Variants in AP3D1 observed in about 807,000 individuals in gnomAD.
The protein encoded by AP3D1 is AP-3 complex subunit delta-1.
A neutral mutation model predicts 147.6 loss-of-function variants in AP3D1; 51 were observed. That is an observed-to-expected ratio of 0.35 (90% CI 0.28 to 0.44). The LOEUF (loss-of-function observed/expected upper bound fraction) is 0.44, where lower values mean the gene tolerates loss of function less well. AP3D1 is among the 20% of genes least tolerant of loss of function. AP3D1 has a pLI of 1.00. For missense variants in AP3D1, 1,421 were observed against 1,624.2 expected (o/e 0.87, Z 2.15); for synonymous variants, 760 against 663.0 (o/e 1.15, Z -2.25).
At chr19:2,147,769 CTGT>C (rs1174709040) in intron 1 of AP3D1, among the ~76,000 whole-genome samples, 1 of 150,874 alleles carries the variant, frequency 6.6e-6, no homozygotes, top group African/African-American at 2.4e-5. Flanking sequence ...TGGCACTCGC[CTGT>C]TGTCCCAGCT....
chr19:2,123,250 A>G, intron 11 of AP3D1, 108 bp downstream of exon 11: 1 of 1,142,950 alleles, frequency 8.7e-7, no homozygotes, highest in South Asian at 1.4e-5. Flanking sequence ...TCAGGGAGAC[A>G]GCTGGGGTTG....
chr19:2,157,811 T>C (rs558038352), intron 1 of AP3D1, among the ~76,000 whole-genome samples: 15 of 152,242 alleles, frequency 9.9e-5, no homozygotes, highest in Non-Finnish European at 1.6e-4. Context: ...AACAAAGCTG[T>C]AGGCAGCAGC....
chr19:2,116,696 T>C lies in AP3D1; in HGVS notation c.1910A>G (p.Glu637Gly), dbSNP rs775678115. ...INEPLSDSES[E>G]DERPRAVFHE... ...GAAGACGGCCCTGGGCCTCTCGTCC[T>C]CTGACTCGCTGTCCGAGAGTGGCTC... The change falls in exon 17 of 32, where the codon GAG becomes GGG. Residue 637 changes from glutamate (E) to glycine (G), a missense_variant. This residue lies in a region of AP3D1 where 791 missense variants were observed against 761.4 expected (regional missense o/e 1.04). Transcript: ENST00000643116. 18 of 1,611,230 alleles carry C rather than the reference T, an allele frequency of 1.1e-5. No individual in the cohort carries two copies. In the East Asian group the frequency reaches 3.6e-4, roughly 32 times the overall value.
At chr19:2,104,066 C>G (rs1051332325) in intron 31 of AP3D1, among the ~76,000 whole-genome samples, 9 of 151,800 alleles carry the variant, frequency 5.9e-5, no homozygotes, top group Non-Finnish European at 1.2e-4. Flanking sequence ...GAGCAGACAC[C>G]AACACCAAGA....
At chr19:2,113,548 C>T (rs1945670439) in intron 22 of AP3D1, 135 bp from the exon 23 acceptor site, 1 of 505,992 alleles carries the variant, frequency 2.0e-6, no homozygotes, top group Non-Finnish European at 3.5e-6. Context: ...CCTTGCAGAG[C>T]CTGGGAATCC....
At chr19:2,111,619 A>G (rs1278087208) in intron 25 of AP3D1, 60 bp downstream of exon 25, 3 of 1,515,314 alleles carry the variant, frequency 2.0e-6, no homozygotes, top group African/African-American at 1.4e-5. Context: ...AGGAGTGGGG[A>G]GCAGCGCACA....
intron 31 of AP3D1, among the ~76,000 whole-genome samples, chr19:2,103,563 G>A (rs949816393): frequency 4.6e-5 from 7 of 152,214 alleles, no homozygotes; most frequent in Non-Finnish European, 1.0e-4. Flanking sequence ...TGCGGATCCC[G>A]TTCCAAAGAG....
intron 11 of AP3D1, among the ~76,000 whole-genome samples, chr19:2,122,201 G>C (rs1352852477): frequency 7.3e-6 from 1 of 137,210 alleles, no homozygotes; most frequent in African/African-American, 3.0e-5. Flanking sequence ...ACGCAGAGAA[G>C]ACTTTCCAGC....
rs535472544 is a variant in AP3D1 at position 2,110,907 on chromosome 19, T to G, written c.2986-11A>C. 14 of 1,611,720 alleles carry G rather than the reference T, an allele frequency of 8.7e-6. No homozygotes were observed. The highest frequency in any genetic ancestry group is 8.3e-5 in the Admixed American group (5 of 59,976). On this transcript the variant is annotated splice_polypyrimidine_tract_variant and intron_variant, in intron 26 of 31. Coordinates refer to ENST00000643116, the MANE Select transcript of AP3D1 (RefSeq NM_001261826.3). Reference sequence around the variant, plus strand: ...CCGGATGTCACAGGTCTGCAGGGCATGGCCAGTGTTAGCAGGGCAGGCGGG... The same window carrying G: ...CCGGATGTCACAGGTCTGCAGGGCAGGGCCAGTGTTAGCAGGGCAGGCGGG...
Position 2,123,526 on chromosome 19 carries a change from T to G in AP3D1, c.907-120A>C, listed in dbSNP as rs551107252. 6.1e-4 allele frequency: 632 copies of G among 1,033,812 alleles called. 11 individuals are homozygous for G. The South Asian group carries it at 8.8e-3, about 14-fold the overall frequency. 64.0% of individuals were successfully genotyped at this position (1,033,812 alleles called of 1,614,324 possible). A position where few individuals can be genotyped will look rare whatever the true frequency, so the allele number is the denominator to read the frequency against. ...GCCCGGCGTCAGCCCCACCCACCAA[T>G]CAAAGCCCAGGAGGGAAACAAGCAT... On this transcript the variant is annotated intron_variant, in intron 10 of 31. Transcript: ENST00000643116.
intron 1 of AP3D1, among the ~76,000 whole-genome samples, chr19:2,158,814 A>G (rs1311273823): frequency 2.6e-5 from 4 of 152,174 alleles, no homozygotes; most frequent in Non-Finnish European, 5.9e-5. Context: ...TCTAGTCCCC[A>G]GGCAAGAAAG....
Position 2,113,354 on chromosome 19 carries a change from GGGGGCGGGGGC to G in AP3D1, c.2650_2660del (p.Ala884ArgfsTer22). ...CTCTTACCGTGGATGGAACGGGGGC[GGGGGCGGGGGC>G]GGGGGCAGGCGGTGGGGTGGTAGAC... On this transcript the variant is annotated frameshift_variant, in exon 23 of 32. Transcript: ENST00000643116. LOFTEE classifies it high-confidence loss of function. The G allele has an allele frequency of 1.4e-6, 2 of 1,448,304 alleles. No individual in the cohort carries two copies. Among genetic ancestry groups the G allele is most frequent in the Non-Finnish European group, 1.8e-6 (2 of 1,093,062 alleles). The allele number at this position is 1,448,304 out of a possible 1,614,324, so 89.7% of individuals were successfully genotyped here.
rs1488319707 is a variant in AP3D1 at position 2,105,115 on chromosome 19, A to G, written c.3553-2847T>C. ...ACCCTCCCTGTGTGGGCTCAATGGC[A>G]GAACAGCTAGGACGAGGCAGACTGG... On this transcript the variant is annotated intron_variant, in intron 31 of 31. Coordinates refer to ENST00000643116, the MANE Select transcript of AP3D1 (RefSeq NM_001261826.3). 2.0e-5 allele frequency among the ~76,000 whole-genome samples: 3 copies of G among 152,232 alleles called. No homozygotes were observed. In the East Asian group the frequency reaches 5.8e-4, roughly 29 times the overall value.
chr19:2,113,114 G>T (rs768036017), intron 23 of AP3D1, 147 bp from the exon 24 acceptor site: 9 of 655,414 alleles, frequency 1.4e-5, no homozygotes, highest in Non-Finnish European at 2.1e-5. Context: ...CAGGGAGCCT[G>T]TGAGCACAGA....
Position 2,157,420 on chromosome 19 carries a change from C to T in AP3D1, c.-103+6936G>A, listed in dbSNP as rs183917472. On this transcript the variant is annotated intron_variant, in intron 1 of 14. Transcript: ENST00000643010. Reference sequence around the variant, plus strand: ...TTGCGCCACTGCACTCCAGCCTGGGCGACAGAGCGAGACTCCGTCTCAAAA... The same window carrying T: ...TTGCGCCACTGCACTCCAGCCTGGGTGACAGAGCGAGACTCCGTCTCAAAA... Among the ~76,000 whole-genome samples the T allele has an allele frequency of 6.9e-3, 883 of 127,576 alleles. 20 individuals carry two copies. The highest frequency in any genetic ancestry group is 0.05 in the Admixed American group (558 of 11,216). The allele number at this position is 127,576 out of a possible 152,430, so 83.7% of individuals were successfully genotyped here.
chr19:2,130,341 C>T (rs1477713994), intron 6 of AP3D1, 67 bp downstream of exon 6: 9 of 1,603,886 alleles, frequency 5.6e-6, no homozygotes, highest in Non-Finnish European at 7.7e-6. Context: ...AACACGCCAC[C>T]ACCTCTTCCC....
At chr19:2,122,613 T>G (rs987723726) in intron 11 of AP3D1, among the ~76,000 whole-genome samples, 7 of 152,284 alleles carry the variant, frequency 4.6e-5, no homozygotes, top group African/African-American at 1.7e-4. Flanking sequence ...TTAGGCACAA[T>G]AAGAAATGAA....
In AP3D1 at chr19:2,112,928, C is replaced by T. The variant is rs778886970; in HGVS notation, c.2719G>A (p.Glu907Lys). The stretch of plus-strand genomic sequence containing the variant: ...GCCTCCGTCTTGGCGTCCTCACACT[C>T]GTCCTTCGGGGTAGTGACAGTGTTC... ...SVNTVTTPKD[E>K]CEDAKTEAQG... Residue 907 changes from glutamate to lysine, a missense_variant, in exon 24 of 32, where the codon GAG becomes AAG. Physicochemically the swap from Glu to Lys is moderately conservative, Grantham distance 56. Around this residue, in one of 6 missense-constraint regions of AP3D1, gnomAD observed 791 missense variants for 761.4 expected, o/e 1.04. Transcript: ENST00000643116. 30 of 1,613,280 alleles carry T rather than the reference C, an allele frequency of 1.9e-5. No homozygotes were observed. The Middle Eastern group carries it at 5.0e-4, about 27-fold the overall frequency.
Position 2,110,367 on chromosome 19 carries a change from G to C in AP3D1, c.3176-143C>G, listed in dbSNP as rs1265017975. 3.8e-5 allele frequency: 28 copies of C among 735,118 alleles called. 1 individual carries two copies. The highest frequency in any genetic ancestry group is 2.2e-4 in the East Asian group (8 of 36,930). 45.5% of individuals were successfully genotyped at this position (735,118 alleles called of 1,614,324 possible). ...CCCCCAAGGGAGCACCAGGGGACAG[G>C]AGCAGAAACAAGAGGCTACTGGTGT... On this transcript the variant is annotated intron_variant, in intron 27 of 31. Coordinates refer to ENST00000643116, the MANE Select transcript of AP3D1 (RefSeq NM_001261826.3).
Sources: allele counts gnomAD v4.1 joint callset (sites outside exome capture counted in the v4.1 genomes callset), GRCh38; gene constraint gnomAD v4.1.1; regional missense constraint gnomAD v4.1.1; transcripts MANE v1.5; gene names NCBI Gene and HGNC (gene_info 2026-07-23, HGNC 2026-07-21).